Variants in CCAR1 observed in about 807,000 individuals in gnomAD.
The protein encoded by CCAR1 is cell division cycle and apoptosis regulator protein 1.
A neutral mutation model predicts 163.8 loss-of-function variants in CCAR1; 78 were observed. That is an observed-to-expected ratio of 0.48 (90% CI 0.40 to 0.57). The LOEUF (loss-of-function observed/expected upper bound fraction) is 0.57. Among genes scored for constraint, CCAR1 ranks in the 20% least tolerant of loss-of-function variants. CCAR1 has a pLI of 0.00. For synonymous variants in CCAR1, 443 were observed against 460.7 expected, an observed-to-expected ratio of 0.96 and a Z score of 0.49; for missense variants, 1,019 against 1,365.2, an observed-to-expected ratio of 0.75 and a Z score of 4.00.
intron 14 of CCAR1, among the ~76,000 whole-genome samples, chr10:68,757,002 CTG>C (rs1219591765): frequency 1.3e-5 from 2 of 152,190 alleles, no homozygotes; most frequent in South Asian, 2.1e-4. Flanking sequence ...AGATCACACA[CTG>C]TGTGGTTTGT....
In CCAR1 at chr10:68,771,516, C is replaced by T. The variant is rs1438148258; in HGVS notation, c.2538+71C>T. ...GGTTATAAAGGTTGATGTTGATTTC[C>T]ATCAGAATATTAGATGTAAAAGCCA... On this transcript the variant is annotated intron_variant, in intron 18 of 24. Transcript: ENST00000265872. 3.0e-6 allele frequency: 4 copies of T among 1,348,082 alleles called. No individual in the cohort carries two copies. In the African/African-American group the frequency reaches 4.4e-5, roughly 15 times the overall value. 83.5% of individuals were successfully genotyped at this position (1,348,082 alleles called of 1,614,324 possible).
chr10:68,772,482 CAAAA>C (rs1021882485), intron 18 of CCAR1, among the ~76,000 whole-genome samples: 1 of 136,800 alleles, frequency 7.3e-6, no homozygotes, highest in South Asian at 2.3e-4. Flanking sequence ...GACTGTGTCT[CAAAA>C]AAAACAAAAA....
chr10:68,746,830 G>T (rs1463240637), intron 6 of CCAR1, among the ~76,000 whole-genome samples: 1 of 151,912 alleles, frequency 6.6e-6, no homozygotes, highest in Non-Finnish European at 1.5e-5. Context: ...CGCCTGTCTC[G>T]GCCTCCCAAA....
At chr10:68,750,228 T>C in intron 10 of CCAR1, among the ~76,000 whole-genome samples, 1 of 130,878 alleles carries the variant, frequency 7.6e-6, no homozygotes, top group African/African-American at 2.7e-5. Flanking sequence ...TTTTTTTTTT[T>C]TTTTTGAGAT....
intron 19 of CCAR1, among the ~76,000 whole-genome samples, chr10:68,782,700 T>A (rs563484395): frequency 6.6e-6 from 1 of 152,196 alleles, no homozygotes; most frequent in African/African-American, 2.4e-5. Context: ...TTAAAAATTA[T>A]GCTAAACCTA....
In CCAR1 at chr10:68,749,599, A is replaced by C; in HGVS notation, c.1032A>C (p.Pro344=). The C allele has an allele frequency of 2.5e-6, 4 of 1,613,924 alleles. No homozygotes were observed. Among genetic ancestry groups the C allele is most frequent in the South Asian group, 1.1e-5 (1 of 91,088 alleles). The change falls in exon 10 of 25, where the codon CCA becomes CCC. Residue 344 remains proline, a synonymous_variant. Transcript: ENST00000265872. ...PQRKRSRERS[P]RRERERSPRR... The stretch of plus-strand genomic sequence containing the variant: ...GGAAACGTTCCCGGGAAAGATCTCC[A>C]CGAAGAGAGCGAGAGCGATCACCTC...
At chr10:68,750,429 T>G (rs926701117) in intron 10 of CCAR1, among the ~76,000 whole-genome samples, 6 of 152,112 alleles carry the variant, frequency 3.9e-5, no homozygotes, top group Middle Eastern at 6.8e-3. Context: ...ACCATGTTGT[T>G]GGCCAGGTTT....
In CCAR1 at chr10:68,791,256, C is replaced by A; in HGVS notation, c.3443C>A (p.Ala1148Asp). The A allele has an allele frequency of 6.3e-7, 1 of 1,594,722 alleles. No homozygotes were observed. Among genetic ancestry groups the A allele is most frequent in the Non-Finnish European group, 8.6e-7 (1 of 1,165,266 alleles). Residue 1148 changes from alanine to aspartate, a missense_variant, in exon 25 of 25, where the codon GCC (alanine) becomes GAC (aspartate). Physicochemically the swap from Ala to Asp is moderately radical, Grantham distance 126. Around this residue, in one of 4 missense-constraint regions of CCAR1, gnomAD observed 358 missense variants for 406.4 expected, o/e 0.88. Coordinates refer to ENST00000265872, the MANE Select transcript of CCAR1 (RefSeq NM_018237.4). The part of the protein sequence containing the change: ...DKDQKSKENG[A>D]SV ...GATCAAAAATCCAAGGAGAATGGTG[C>A]CAGTGTATGATAAAATCCATGTAGT... is the stretch of plus-strand genomic sequence containing the variant.
chr10:68,765,028 C>T (rs2056519723), intron 16 of CCAR1, among the ~76,000 whole-genome samples: 1 of 152,212 alleles, frequency 6.6e-6, no homozygotes, highest in Non-Finnish European at 1.5e-5. Flanking sequence ...GATAGCTTTT[C>T]TAAATTCATA....
intron 2 of CCAR1, among the ~76,000 whole-genome samples, chr10:68,726,114 A>G (rs1037682491): frequency 2.3e-5 from 3 of 128,074 alleles, no homozygotes; most frequent in African/African-American, 8.6e-5. Context: ...ACCCTGTCCT[A>G]AAAAAAAAAA....
chr10:68,729,544 C>G (rs2056003842), intron 2 of CCAR1, among the ~76,000 whole-genome samples: 1 of 151,886 alleles, frequency 6.6e-6, no homozygotes, highest in African/African-American at 2.4e-5. Context: ...GCTGGGATTA[C>G]AGGTGTGAGC....
chr10:68,737,842 C>G lies in CCAR1; in HGVS notation c.247-3C>G. ...TTTGAAAAATTTTTTTTTAATCTTTCAGCAATATTCACAACCTCAGCAGGC... is the reference window on the plus strand; with the variant it reads ...TTTGAAAAATTTTTTTTTAATCTTTGAGCAATATTCACAACCTCAGCAGGC... On this transcript the variant is annotated splice_region_variant and splice_polypyrimidine_tract_variant and intron_variant, in intron 3 of 24. Transcript: ENST00000265872. The G allele has an allele frequency of 6.3e-7, 1 of 1,577,152 alleles. No homozygotes were observed. Among genetic ancestry groups the G allele is most frequent in the African/African-American group, 1.4e-5 (1 of 72,896 alleles).
chr10:68,749,043 CAGTT>C, intron 8 of CCAR1, 89 bp from the exon 9 acceptor site: 1 of 1,443,058 alleles, frequency 6.9e-7, no homozygotes, highest in East Asian at 2.3e-5. Context: ...TAGTCACTCT[CAGTT>C]ATTTAACTTT....
chr10:68,791,088 T>G, intron 24 of CCAR1, 119 bp from the exon 25 acceptor site: 1 of 508,088 alleles, frequency 2.0e-6, no homozygotes, highest in East Asian at 3.6e-5. Flanking sequence ...AAAATTAATT[T>G]ATTGTTCTTT....
chr10:68,725,628 A>G (rs1006146372), intron 2 of CCAR1, among the ~76,000 whole-genome samples: 2 of 152,146 alleles, frequency 1.3e-5, no homozygotes. Flanking sequence ...CAAGAATTCT[A>G]CAGAATGAGA....
At chr10:68,767,417 G>A (rs2056549798) in intron 17 of CCAR1, among the ~76,000 whole-genome samples, 2 of 151,820 alleles carry the variant, frequency 1.3e-5, no homozygotes, top group South Asian at 4.2e-4. Flanking sequence ...ACAGGCATCT[G>A]CCACAATGCC....
At chr10:68,736,105 G>A (rs1003058682) in intron 2 of CCAR1, among the ~76,000 whole-genome samples, 2 of 151,998 alleles carry the variant, frequency 1.3e-5, no homozygotes, top group African/African-American at 2.4e-5. Context: ...CTCCCGCCTC[G>A]GTTTCCCAGA....
chr10:68,724,755 A>G lies in CCAR1; in HGVS notation c.73+2178A>G, dbSNP rs547229509. ...AGCCATGATGGTGCCATTGCACTAC[A>G]GTCTGAGTGAGACCTGGTCTCAAAA... On this transcript the variant is annotated intron_variant, in intron 2 of 24. Coordinates refer to ENST00000265872, the MANE Select transcript of CCAR1 (RefSeq NM_018237.4). 3.2e-3 allele frequency among the ~76,000 whole-genome samples: 494 copies of G among 152,274 alleles called. 4 individuals are homozygous for G. The highest frequency in any genetic ancestry group is 0.012 in the African/African-American group (483 of 41,560).
intron 17 of CCAR1, among the ~76,000 whole-genome samples, chr10:68,769,203 C>T (rs1032166432): frequency 2.6e-5 from 4 of 152,242 alleles, no homozygotes; most frequent in East Asian, 3.9e-4. Flanking sequence ...CTCGAAGTCC[C>T]GACCTCGTGA....
Sources: allele counts gnomAD v4.1 joint callset (sites outside exome capture counted in the v4.1 genomes callset), GRCh38; gene constraint gnomAD v4.1.1; regional missense constraint gnomAD v4.1.1; transcripts MANE v1.5; gene names NCBI Gene and HGNC (gene_info 2026-07-23, HGNC 2026-07-21).